Variants in CADPS observed in about 807,000 individuals in gnomAD.
CADPS encodes calcium-dependent secretion activator 1.
A neutral mutation model predicts 167.3 loss-of-function variants in CADPS; 57 were observed. The ratio of observed to expected loss-of-function variants is 0.34; its 90% CI spans 0.28 to 0.42. The LOEUF (loss-of-function observed/expected upper bound fraction) is 0.42. CADPS is among the 20% of genes least tolerant of loss of function. The pLI, the probability that CADPS is intolerant of heterozygous loss-of-function variation, is 1.00. For synonymous variants in CADPS, 676 were observed against 635.3 expected (o/e 1.06, Z -0.96); for missense variants, 1,414 against 1,738.1 (o/e 0.81, Z 3.32).
intron 6 of CADPS, among the ~76,000 whole-genome samples, chr3:62,596,088 TACAC>T (rs56780830): frequency 0.035 from 4,690 of 135,754 alleles, 98 homozygotes; most frequent in African/African-American, 0.056. Context: ...TATATATGTA[TACAC>T]ACACACACAC....
rs991701773 is a variant in CADPS at position 62,450,399 on chromosome 3, G to A, written c.3637-4602C>T. On this transcript the variant is annotated intron_variant, in intron 26 of 29. Transcript: ENST00000383710. ...GACCAAGCCATAGCCATGTACCCTA[G>A]GGCACAGGAGACAAAGGGGAGGGGG... Among the ~76,000 whole-genome samples, 3 of 152,174 alleles carry A rather than the reference G, an allele frequency of 2.0e-5. No homozygotes were observed. The South Asian group carries it at 6.2e-4, about 31-fold the overall frequency.
At chr3:62,457,373 T>C (rs553524102) in intron 26 of CADPS, among the ~76,000 whole-genome samples, 2 of 152,304 alleles carry the variant, frequency 1.3e-5, no homozygotes. Flanking sequence ...TAAACCTGAT[T>C]CAAACCAAAA....
Position 62,455,672 on chromosome 3 carries a change from C to T in CADPS, c.3636+9695G>A, listed in dbSNP as rs1177953445. 1.3e-5 allele frequency among the ~76,000 whole-genome samples: 2 copies of T among 152,210 alleles called. No individual in the cohort carries two copies. Among genetic ancestry groups the T allele is most frequent in the Non-Finnish European group, 2.9e-5 (2 of 68,044 alleles). On this transcript the variant is annotated intron_variant, in intron 26 of 29. Transcript: ENST00000383710. This position sits in a 1 kb window ranked among gnomAD's most constrained non-coding sequence, Gnocchi z 4.4. ...GATTTTAAGTGGGGGCCCCTGCCCC[C>T]TTCTGGCATTTTTGTGTTTTGTTTG...
chr3:62,800,974 A>G (rs2093727109), intron 1 of CADPS, among the ~76,000 whole-genome samples: 1 of 152,154 alleles, frequency 6.6e-6, no homozygotes, highest in South Asian at 2.1e-4. Context: ...ACATTTGTTA[A>G]GGTGGTAGGC....
At chr3:62,443,802 C>T (rs1024840181) in intron 27 of CADPS, among the ~76,000 whole-genome samples, 2 of 152,148 alleles carry the variant, frequency 1.3e-5, no homozygotes, top group African/African-American at 4.8e-5. Context: ...TCTGGTATGT[C>T]TTCATAGTAG....
chr3:62,516,482 T>C, intron 15 of CADPS, 98 bp downstream of exon 15: 3 of 962,998 alleles, frequency 3.1e-6, no homozygotes, highest in South Asian at 1.7e-5. Context: ...ACAAATCCTA[T>C]AAAAATTACA....
At chr3:62,677,511 G>A (rs941409624) in intron 3 of CADPS, among the ~76,000 whole-genome samples, 4 of 152,100 alleles carry the variant, frequency 2.6e-5, no homozygotes, top group Non-Finnish European at 4.4e-5. Flanking sequence ...AGGGTGAGAG[G>A]TGCCACTGCC....
intron 5 of CADPS, among the ~76,000 whole-genome samples, chr3:62,647,357 T>C (rs1203088909): frequency 6.6e-6 from 1 of 152,208 alleles, no homozygotes; most frequent in Non-Finnish European, 1.5e-5. Flanking sequence ...TTTATAGGGC[T>C]TGTTAAACTA....
chr3:62,467,877 A>G (rs2060128329), intron 24 of CADPS, among the ~76,000 whole-genome samples: 1 of 152,062 alleles, frequency 6.6e-6, no homozygotes, highest in Non-Finnish European at 1.5e-5. Flanking sequence ...ATGTGAAAAT[A>G]TTTTGTCAAC....
intron 19 of CADPS, among the ~76,000 whole-genome samples, chr3:62,493,111 C>CACCTGGTG (rs1226592650): frequency 6.6e-6 from 1 of 151,998 alleles, no homozygotes; most frequent in Non-Finnish European, 1.5e-5. Flanking sequence ...TCAGGAGTTA[C>CACCTGGTG]TTTTCTGGGG....
intron 1 of CADPS, among the ~76,000 whole-genome samples, chr3:62,833,847 C>T (rs750204075): frequency 2.0e-5 from 3 of 152,074 alleles, no homozygotes; most frequent in Non-Finnish European, 2.9e-5. Flanking sequence ...GAAAACTACT[C>T]TGGTTACTAA....
intron 3 of CADPS, among the ~76,000 whole-genome samples, chr3:62,673,552 G>A (rs937416763): frequency 1.3e-5 from 2 of 152,108 alleles, no homozygotes; most frequent in African/African-American, 4.8e-5. Flanking sequence ...CCTTGTTTCA[G>A]GCATTATGTT....
rs755928119 is a variant in CADPS, at chr3:62,516,062, C to T, written c.2578G>A (p.Glu860Lys). The T allele has an allele frequency of 1.2e-5, 20 of 1,612,846 alleles. No homozygotes were observed. Among genetic ancestry groups the T allele is most frequent in the Middle Eastern group, 1.6e-4 (1 of 6,070 alleles). The change falls in exon 16 of 30, where the codon GAA becomes AAA. Residue 860 changes from glutamate to lysine, a missense_variant. Coordinates refer to ENST00000383710, the MANE Select transcript of CADPS (RefSeq NM_003716.4). ...YSRLSEYAKI[E>K]ENQKDAENVG... ...TGGGGGCAGAAGGGAGCCTTACCTT[C>T]GATTTTGGCATACTCTGAGAGCCGA...
At chr3:62,448,764 C>G (rs1181233206) in intron 26 of CADPS, among the ~76,000 whole-genome samples, 1 of 152,078 alleles carries the variant, frequency 6.6e-6, no homozygotes, top group African/African-American at 2.4e-5. Context: ...CAGGCACCCA[C>G]CACCACACCC....
intron 1 of CADPS, among the ~76,000 whole-genome samples, chr3:62,831,599 T>C (rs1393645450): frequency 6.6e-6 from 1 of 152,140 alleles, no homozygotes; most frequent in East Asian, 1.9e-4. Flanking sequence ...CAGGTATTTG[T>C]AAAAATTAAA....
At chr3:62,847,433 C>A (rs1215275435) in intron 1 of CADPS, among the ~76,000 whole-genome samples, 21 of 94,364 alleles carry the variant, frequency 2.2e-4, no homozygotes, top group Non-Finnish European at 3.8e-4. Context: ...CCCCCCTCCC[C>A]CCACCCCACC....
At position 62,506,752 on chromosome 3, in the gene CADPS, T is replaced by C. The variant is rs922919602; in HGVS notation, c.2599+5999A>G. Among the ~76,000 whole-genome samples the C allele has an allele frequency of 4.6e-5, 7 of 152,312 alleles. No individual in the cohort carries two copies. The South Asian group carries it at 1.0e-3, about 23-fold the overall frequency. ...TAGTACCTCATACCATCATGGGTAC[T>C]ATGACTGGCTCTGGGGTTAGCATGT... On this transcript the variant is annotated intron_variant, in intron 17 of 29. Transcript: ENST00000383710.
At chr3:62,837,145 G>T (rs1423308959) in intron 1 of CADPS, among the ~76,000 whole-genome samples, 1 of 152,100 alleles carries the variant, frequency 6.6e-6, no homozygotes, top group Non-Finnish European at 1.5e-5. Flanking sequence ...ATGTGCCAAG[G>T]AATTAACATA....
At chr3:62,461,956 G>A (rs756042346) in intron 26 of CADPS, among the ~76,000 whole-genome samples, 3 of 152,208 alleles carry the variant, frequency 2.0e-5, no homozygotes, top group Non-Finnish European at 4.4e-5. Context: ...TAGAAGTTGA[G>A]TAAATGAATG....
Sources: gnomAD v4.1 joint callset for allele counts (sites outside exome capture counted in the v4.1 genomes callset) on GRCh38, gnomAD v4.1.1 for gene constraint, Gnocchi (gnomAD v3.1) non-coding constraint, MANE v1.5 for transcripts, NCBI Gene and HGNC (gene_info 2026-07-23, HGNC 2026-07-21) for gene names.